The following TRIM44 variants were observed in gnomAD, a reference collection of about 807,000 sequenced individuals.
TRIM44 encodes tripartite motif-containing protein 44.
TRIM44 carries 13 observed loss-of-function variants against 37.4 expected under a neutral mutation model. That is an observed-to-expected ratio of 0.35 (90% CI 0.23 to 0.55). The LOEUF is 0.55. Ranked by LOEUF, TRIM44 falls within the 20% of genes least tolerant of loss-of-function variation. The pLI, the probability that TRIM44 is intolerant of heterozygous loss-of-function variation, is 0.89. For synonymous variants in TRIM44, 175 were observed against 157.2 expected (o/e 1.11, Z -0.85); for missense variants, 426 against 437.2 (o/e 0.97, Z 0.23).
At chr11:35,738,311 A>G (rs1023760652) in intron 4 of TRIM44, among the ~76,000 whole-genome samples, 3 of 152,186 alleles carry the variant, frequency 2.0e-5, no homozygotes, top group African/African-American at 7.2e-5. Flanking sequence ...TTAGAGTTTA[A>G]TTGCAGATAC....
chr11:35,746,469 G>A, intron 4 of TRIM44, among the ~76,000 whole-genome samples: 1 of 8,678 alleles, frequency 1.2e-4, no homozygotes, highest in African/African-American at 4.2e-4. Flanking sequence ...TTTTTTTTTT[G>A]TAGCTCTATG....
chr11:35,791,874 AT>A (rs1853216383), intron 4 of TRIM44, among the ~76,000 whole-genome samples: 1 of 152,202 alleles, frequency 6.6e-6, no homozygotes, highest in Non-Finnish European at 1.5e-5. Flanking sequence ...CATCACTGGC[AT>A]GTATTTGGGG....
chr11:35,705,814 A>C (rs1286866988), intron 2 of TRIM44, among the ~76,000 whole-genome samples: 1 of 148,480 alleles, frequency 6.7e-6, no homozygotes, highest in Non-Finnish European at 1.5e-5. Flanking sequence ...AAAGCAGGAA[A>C]GATCCAAAAT....
intron 1 of TRIM44, among the ~76,000 whole-genome samples, chr11:35,682,097 A>T (rs1259346729): frequency 6.7e-6 from 1 of 150,338 alleles, no homozygotes; most frequent in Non-Finnish European, 1.5e-5. Context: ...TAGCTGGGCT[A>T]TGTCCCATGC....
rs181551545 is a variant in TRIM44 at position 35,771,914 on chromosome 11, C to T, written c.1008-34444C>T. Among the ~76,000 whole-genome samples, 303 of 152,240 alleles carry T rather than the reference C, an allele frequency of 2.0e-3. 1 individual carries two copies. Among genetic ancestry groups the T allele is most frequent in the African/African-American group, 7.0e-3 (292 of 41,554 alleles). ...CCCCAGGACAATGGGGAAAATATCT[C>T]CAAGGCTTGTCAGAGGTCTTCACAG... is the stretch of plus-strand genomic sequence containing the variant. On this transcript the variant is annotated intron_variant, in intron 4 of 4. Transcript: ENST00000299413.
intron 1 of TRIM44, among the ~76,000 whole-genome samples, chr11:35,680,009 C>G (rs1851505972): frequency 6.6e-6 from 1 of 152,168 alleles, no homozygotes; most frequent in Non-Finnish European, 1.5e-5. Context: ...GTGAGAAAAG[C>G]TAATGTCATG....
intron 1 of TRIM44, among the ~76,000 whole-genome samples, chr11:35,674,235 C>CGTGTGT (rs113167193): frequency 0.037 from 5,535 of 149,952 alleles, 254 homozygotes; most frequent in East Asian, 0.093. Flanking sequence ...AGAGAATTTG[C>CGTGTGT]GTGTGTGTGT....
At chr11:35,684,311 T>C (rs1851550738) in intron 1 of TRIM44, among the ~76,000 whole-genome samples, 1 of 152,234 alleles carries the variant, frequency 6.6e-6, no homozygotes, top group Non-Finnish European at 1.5e-5. Context: ...ATTTTGAATA[T>C]ACTGAGTTAA....
intron 2 of TRIM44, among the ~76,000 whole-genome samples, chr11:35,719,183 A>C (rs1277100448): frequency 6.6e-6 from 1 of 152,110 alleles, no homozygotes; most frequent in African/African-American, 2.4e-5. Context: ...TGGCCTTACC[A>C]TTTTGCATTC....
intron 2 of TRIM44, among the ~76,000 whole-genome samples, chr11:35,702,248 T>C (rs1045776062): frequency 3.9e-5 from 6 of 152,162 alleles, no homozygotes; most frequent in Non-Finnish European, 8.8e-5. Context: ...TTACTTCCCA[T>C]GAGACCCTGG....
In TRIM44 at chr11:35,816,432, C is replaced by A. The variant is rs1304050341; in HGVS notation, c.*10047C>A. On this transcript the variant is annotated 3_prime_UTR_variant, in exon 5 of 5. Transcript: ENST00000299413. ...AAAACAATCTCCACTCATAAAAACACTTTTCTGCCTTCTACAGTATAAACA... is the reference window on the plus strand; with the variant it reads ...AAAACAATCTCCACTCATAAAAACAATTTTCTGCCTTCTACAGTATAAACA... The A allele has an allele frequency of 6.6e-6, 1 of 152,170 alleles. No homozygotes were observed. Among genetic ancestry groups the A allele is most frequent in the Non-Finnish European group, 1.5e-5 (1 of 68,034 alleles). The allele number at this position is 152,170 out of a possible 1,614,324, so 9.4% of individuals were successfully genotyped here.
chr11:35,711,031 C>T (rs1205055423), intron 2 of TRIM44, among the ~76,000 whole-genome samples: 1 of 152,088 alleles, frequency 6.6e-6, no homozygotes, highest in Non-Finnish European at 1.5e-5. Flanking sequence ...CTGTATGGGA[C>T]TGAGGGAGGT....
chr11:35,702,698 G>A (rs1339169166), intron 2 of TRIM44, among the ~76,000 whole-genome samples: 1 of 152,194 alleles, frequency 6.6e-6, no homozygotes, highest in Non-Finnish European at 1.5e-5. Context: ...ACAGTTTCTT[G>A]AAGCCTAGGC....
intron 1 of TRIM44, among the ~76,000 whole-genome samples, chr11:35,665,680 C>T (rs561892945): frequency 1.7e-3 from 250 of 148,016 alleles, no homozygotes; most frequent in Non-Finnish European, 2.9e-3. Flanking sequence ...CTGGAACCTG[C>T]GCCTCCCAGG....
intron 2 of TRIM44, among the ~76,000 whole-genome samples, chr11:35,697,440 C>T (rs138488031): frequency 0.013 from 1,935 of 144,480 alleles, 45 homozygotes; most frequent in African/African-American, 0.047. Context: ...ATATGTGCCA[C>T]GTTTTCTTTT....
intron 2 of TRIM44, among the ~76,000 whole-genome samples, chr11:35,689,866 C>T (rs1218623096): frequency 6.6e-6 from 1 of 152,142 alleles, no homozygotes; most frequent in Non-Finnish European, 1.5e-5. Flanking sequence ...TCAAACTAAC[C>T]TCTTATTATG....
chr11:35,787,892 C>G (rs1289709866), intron 4 of TRIM44, among the ~76,000 whole-genome samples: 2 of 151,980 alleles, frequency 1.3e-5, no homozygotes, highest in African/African-American at 2.4e-5. Flanking sequence ...TGTTCACAGC[C>G]TCACTTCCTA....
intron 4 of TRIM44, among the ~76,000 whole-genome samples, chr11:35,753,053 GT>G (rs1852578236): frequency 6.6e-6 from 1 of 152,134 alleles, no homozygotes. Context: ...TGTTTTCTAA[GT>G]GCAGAAAACC....
chr11:35,719,618 C>G (rs780372553), intron 2 of TRIM44, among the ~76,000 whole-genome samples: 1 of 152,126 alleles, frequency 6.6e-6, no homozygotes, highest in Non-Finnish European at 1.5e-5. Flanking sequence ...AAAGTTATCA[C>G]TATACCCAAG....
Sources: gnomAD v4.1 joint callset for allele counts (sites outside exome capture counted in the v4.1 genomes callset) on GRCh38, gnomAD v4.1.1 for gene constraint, MANE v1.5 for transcripts, NCBI Gene and HGNC (gene_info 2026-07-23, HGNC 2026-07-21) for gene names.